The following TMPRSS15 variants were observed in gnomAD, a reference collection of about 807,000 sequenced individuals.
TMPRSS15 encodes the protein transmembrane serine protease 15.
A neutral mutation model predicts 125.3 loss-of-function variants in TMPRSS15; 128 were observed. That is an observed-to-expected ratio of 1.02 (90% CI 0.89 to 1.18). The LOEUF is 1.18. Ranked by LOEUF, TMPRSS15 falls within the 50% of genes most tolerant of loss-of-function variation. The pLI, the probability that TMPRSS15 is intolerant of heterozygous loss-of-function variation, is 0.00. For synonymous variants in TMPRSS15, 446 were observed against 423.2 expected, an observed-to-expected ratio of 1.05 and a Z score of -0.66; for missense variants, 1,283 against 1,212.7, an observed-to-expected ratio of 1.06 and a Z score of -0.86.
At chr21:18,456,090 ATT>A (rs1271961541) in intron 1 of TMPRSS15, among the ~76,000 whole-genome samples, 1 of 152,172 alleles carries the variant, frequency 6.6e-6, no homozygotes, top group Non-Finnish European at 1.5e-5. Context: ...TCAAATAATT[ATT>A]TTTCTTCAAA....
intron 1 of TMPRSS15, among the ~76,000 whole-genome samples, chr21:18,465,955 A>G (rs186995133): frequency 2.7e-4 from 41 of 152,294 alleles, no homozygotes; most frequent in African/African-American, 9.9e-4. Context: ...TATAGCCAAG[A>G]CAATCCTAAG....
At chr21:18,419,788 G>A (rs781611155) in intron 1 of TMPRSS15, among the ~76,000 whole-genome samples, 1 of 152,172 alleles carries the variant, frequency 6.6e-6, no homozygotes, top group African/African-American at 2.4e-5. Flanking sequence ...CCTGGTATGT[G>A]ACTGTTTTTG....
upstream of TMPRSS15, among the ~76,000 whole-genome samples, chr21:18,406,478 T>C (rs2123158396): frequency 6.6e-6 from 1 of 152,140 alleles, no homozygotes; most frequent in Middle Eastern, 3.4e-3. Context: ...AAAGAGATTT[T>C]CTATTGACTA....
At chr21:18,425,598 C>T (rs112782664) in intron 1 of TMPRSS15, among the ~76,000 whole-genome samples, 1,685 of 152,182 alleles carry the variant, frequency 0.011, 36 homozygotes, top group African/African-American at 0.037. Flanking sequence ...GTGAATGAAT[C>T]ATAAGTTATT....
intron 16 of TMPRSS15, among the ~76,000 whole-genome samples, chr21:18,319,949 C>G (rs927008077): frequency 3.3e-5 from 5 of 152,262 alleles, no homozygotes; most frequent in Admixed American, 3.3e-4. Context: ...TTTTAGAAAG[C>G]CATGGCTGGT....
intron 18 of TMPRSS15, among the ~76,000 whole-genome samples, chr21:18,303,242 C>A (rs9981155): frequency 0.47 from 71,679 of 151,746 alleles, 19,028 homozygotes; most frequent in African/African-American, 0.72. Context: ...ATTCTATTAA[C>A]TTTACTGCAT....
intron 23 of TMPRSS15, among the ~76,000 whole-genome samples, chr21:18,275,660 C>A (rs370222545): frequency 3.3e-5 from 5 of 152,310 alleles, no homozygotes; most frequent in African/African-American, 1.2e-4. Context: ...CTCCCCAACA[C>A]AAAGTGTTTC....
At chr21:18,397,488 G>A (rs1403434918) in intron 3 of TMPRSS15, among the ~76,000 whole-genome samples, 7 of 152,038 alleles carry the variant, frequency 4.6e-5, no homozygotes, top group Non-Finnish European at 1.0e-4. Context: ...TATGCCCTCT[G>A]GGTACACAGT....
intron 1 of TMPRSS15, among the ~76,000 whole-genome samples, chr21:18,418,130 T>C (rs2076184325): frequency 6.6e-6 from 1 of 152,200 alleles, no homozygotes; most frequent in Non-Finnish European, 1.5e-5. Flanking sequence ...ACAAAAGAAA[T>C]GAAACTTCTC....
intron 21 of TMPRSS15, among the ~76,000 whole-genome samples, chr21:18,292,900 GC>G (rs1189081331): frequency 6.6e-6 from 1 of 152,196 alleles, no homozygotes; most frequent in African/African-American, 2.4e-5. Context: ...TTAGGAGGCA[GC>G]AAAGTCAAGA....
intron 1 of TMPRSS15, among the ~76,000 whole-genome samples, chr21:18,475,916 T>A (rs1171407462): frequency 6.6e-6 from 1 of 152,196 alleles, no homozygotes; most frequent in Middle Eastern, 3.2e-3. Context: ...TAAAATTATG[T>A]CCTTATCTAC....
At chr21:18,299,345 C>T (rs1218600000) in intron 18 of TMPRSS15, among the ~76,000 whole-genome samples, 1 of 152,224 alleles carries the variant, frequency 6.6e-6, no homozygotes, top group Non-Finnish European at 1.5e-5. Flanking sequence ...TAAGGACTCA[C>T]ACATTTAGAG....
At chr21:18,434,627 C>G (rs2076223931) in intron 1 of TMPRSS15, among the ~76,000 whole-genome samples, 1 of 152,032 alleles carries the variant, frequency 6.6e-6, no homozygotes, top group Non-Finnish European at 1.5e-5. Context: ...AGGAACATAA[C>G]TGCTTTGTAA....
intron 18 of TMPRSS15, among the ~76,000 whole-genome samples, chr21:18,300,794 ATTT>A (rs35422651): frequency 6.6e-6 from 1 of 151,698 alleles, no homozygotes; most frequent in African/African-American, 2.4e-5. Context: ...ATTGACAGTG[ATTT>A]TTTTTTAAAC....
Position 18,342,624 on chromosome 21 carries a change from T to G in TMPRSS15, c.1428+882A>C, listed in dbSNP as rs145334090. ...CCCCTTCTGCTGTCTCTTTTCTCCC[T>G]GGCCTTTCCATTTTCCCTTACCCTT... On this transcript the variant is annotated intron_variant, in intron 12 of 24. Transcript: ENST00000284885. Among the ~76,000 whole-genome samples, 666 of 152,310 alleles carry G rather than the reference T, an allele frequency of 4.4e-3. 3 individuals are homozygous for G. The highest frequency in any genetic ancestry group is 5.7e-3 in the Non-Finnish European group (386 of 68,016).
intron 1 of TMPRSS15, among the ~76,000 whole-genome samples, chr21:18,469,670 A>G (rs1268138253): frequency 6.6e-6 from 1 of 152,044 alleles, no homozygotes; most frequent in East Asian, 1.9e-4. Flanking sequence ...TTTAGTGGGG[A>G]GTTAATATAA....
At chr21:18,278,035 G>T (rs1254765874) in intron 23 of TMPRSS15, among the ~76,000 whole-genome samples, 1 of 152,178 alleles carries the variant, frequency 6.6e-6, no homozygotes, top group Non-Finnish European at 1.5e-5. Flanking sequence ...GGTGAATGGT[G>T]TATCAACTGA....
intron 12 of TMPRSS15, 82 bp downstream of exon 12, chr21:18,343,420 CATTA>C: frequency 8.0e-7 from 1 of 1,242,804 alleles, no homozygotes; most frequent in Non-Finnish European, 1.1e-6. Flanking sequence ...TCAGAAAATA[CATTA>C]ATTTTTTCAC....
chr21:18,455,457 T>C (rs556744161), intron 1 of TMPRSS15, among the ~76,000 whole-genome samples: 1 of 152,196 alleles, frequency 6.6e-6, no homozygotes, highest in Non-Finnish European at 1.5e-5. Context: ...ATGAAAAACA[T>C]ATCTGCAGTT....
Sources: allele counts gnomAD v4.1 joint callset (sites outside exome capture counted in the v4.1 genomes callset), GRCh38; gene constraint gnomAD v4.1.1; transcripts MANE v1.5; gene names NCBI Gene and HGNC (gene_info 2026-07-23, HGNC 2026-07-21).